CIC: variants seen among roughly 807,000 people sequenced by gnomAD.
CIC encodes the protein capicua transcriptional repressor.
Under a neutral mutation model 115.7 loss-of-function variants are expected in CIC, and 18 were observed. The observed-to-expected ratio is 0.16, with a 90% confidence interval of 0.11 to 0.23. The LOEUF (loss-of-function observed/expected upper bound fraction) is 0.23. Among genes scored for constraint, CIC ranks in the 10% least tolerant of loss-of-function variants. The pLI, the probability that CIC is intolerant of heterozygous loss-of-function variation, is 1.00. For synonymous variants in CIC, 1,076 were observed against 923.0 expected (o/e 1.17, Z -3.01); for missense variants, 2,000 against 2,159.3 (o/e 0.93, Z 1.46).
rs752975941 is a variant in CIC, at chr19:42,294,101, T to C, written c.6922+12T>C. Reference sequence around the variant, plus strand: ...GAAGAACTCCACGGGTAGGCGAGCATTGGGCACCCAGGGTCCTTAGGTGGA... The same window carrying C: ...GAAGAACTCCACGGGTAGGCGAGCACTGGGCACCCAGGGTCCTTAGGTGGA... On this transcript the variant is annotated intron_variant, in intron 18 of 20. Coordinates refer to ENST00000681038, the MANE Select transcript of CIC (RefSeq NM_001386298.1). 61 of 1,613,466 alleles carry C rather than the reference T, an allele frequency of 3.8e-5. No homozygotes were observed. Among genetic ancestry groups the C allele is most frequent in the Non-Finnish European group, 4.7e-5 (55 of 1,180,016 alleles).
chr19:42,274,418 G>A lies in CIC; in HGVS notation c.2635G>A (p.Val879Met), dbSNP rs1037171901. Reference sequence around the variant, plus strand: ...CGTGCCTCCAGCTGCACCAACTGCCGTGGCCCAGCCGATGCCCGCCTTTGG... The same window carrying A: ...CGTGCCTCCAGCTGCACCAACTGCCATGGCCCAGCCGATGCCCGCCTTTGG... ...ITVPPAAPTA[V>M]AQPMPAFGLA... is the part of the protein sequence containing the mutation. The change falls in exon 2 of 21, where the codon GTG becomes ATG. Residue 879 changes from valine to methionine, a missense_variant. Physicochemically the swap from Val to Met is conservative, Grantham distance 21. Transcript: ENST00000681038. 1.5e-5 allele frequency: 6 copies of A among 399,022 alleles called. No homozygotes were observed. Among genetic ancestry groups the A allele is most frequent in the Non-Finnish European group, 1.8e-5 (4 of 226,466 alleles). 24.7% of individuals were successfully genotyped at this position (399,022 alleles called of 1,614,324 possible).
At chr19:42,283,180 CTGTG>C (rs1208594198) in intron 2 of CIC, among the ~76,000 whole-genome samples, 1 of 151,892 alleles carries the variant, frequency 6.6e-6, no homozygotes, top group Non-Finnish European at 1.5e-5. Context: ...GCTAGGAAGG[CTGTG>C]TGTGTGACGG....
At position 42,292,833 on chromosome 19, in the gene CIC, C is replaced by T. The variant is rs758868794; in HGVS notation, c.6170C>T (p.Pro2057Leu). The change falls in exon 15 of 21, where the codon CCG (proline) becomes CTG (leucine). Residue 2057 changes from proline (P) to leucine (L), a missense_variant. By Grantham distance (98) the Pro-to-Leu change is moderately conservative. This residue lies in a region of CIC where 1,466 missense variants were observed against 1,390.4 expected (regional missense o/e 1.05). Transcript: ENST00000681038. ...GCCCCTGCCACTGCCACCCCAGCCCCGACTAGCCCTTTCCCCAGCGCCACA... is the reference window on the plus strand; with the variant it reads ...GCCCCTGCCACTGCCACCCCAGCCCTGACTAGCCCTTTCCCCAGCGCCACA... ...PPAPATATPA[P>L]TSPFPSATAG... is the part of the protein sequence containing the mutation. 19 of 1,613,878 alleles carry T rather than the reference C, an allele frequency of 1.2e-5. No homozygotes were observed. Among genetic ancestry groups the T allele is most frequent in the Admixed American group, 3.3e-5 (2 of 60,024 alleles).
In CIC at chr19:42,295,069, G is replaced by T. The variant is rs569706440; in HGVS notation, c.7432G>T (p.Ala2478Ser). Residue 2478 changes from alanine (A) to serine (S), a missense_variant, in exon 21 of 21, where the codon GCC (alanine) becomes TCC (serine). Ala to Ser is a moderately conservative substitution (Grantham distance 99). Coordinates refer to ENST00000681038, the MANE Select transcript of CIC (RefSeq NM_001386298.1). ...CTCACCCAGCTCGGACTCTGGCACG[G>T]CCCAGGCTGCCCCGCCACTGCCTCC... ...PTSPSSDSGT[A>S]QAAPPLPPPP... The T allele has an allele frequency of 3.9e-6, 6 of 1,520,068 alleles. No individual in the cohort carries two copies. Among genetic ancestry groups the T allele is most frequent in the Admixed American group, 2.0e-5 (1 of 49,938 alleles). 94.2% of individuals were successfully genotyped at this position (1,520,068 alleles called of 1,614,324 possible). A position where few individuals can be genotyped will look rare whatever the true frequency, so the allele number is the denominator to read the frequency against.
chr19:42,293,352 C>G, intron 16 of CIC, 71 bp downstream of exon 16: 1 of 1,464,198 alleles, frequency 6.8e-7, no homozygotes, highest in Non-Finnish European at 9.3e-7. Context: ...CTTTGCTTTT[C>G]TGTCCTACTC....
chr19:42,290,033 G>A (rs1321951147), intron 10 of CIC, 82 bp downstream of exon 10: 4 of 1,438,480 alleles, frequency 2.8e-6, no homozygotes, highest in African/African-American at 1.4e-5. Flanking sequence ...GCTTGAGAGA[G>A]GGGGAGATTA....
Position 42,294,204 on chromosome 19 carries a change from G to A in CIC, c.6954G>A (p.Ser2318=), listed in dbSNP as rs756293865. The change falls in exon 19 of 21, where the codon TCG becomes TCA. Residue 2318 remains serine (S), a synonymous_variant. Coordinates refer to ENST00000681038, the MANE Select transcript of CIC (RefSeq NM_001386298.1). ...DLDSAPEDPT[S]PKRKMRRRSS... ...ATTCAGCACCCGAGGACCCCACCTC[G>A]CCCAAGCGCAAGATGAGAAGACGCT... 4.3e-5 allele frequency: 70 copies of A among 1,613,616 alleles called. No individual in the cohort carries two copies. The highest frequency in any genetic ancestry group is 4.4e-5 in the Non-Finnish European group (52 of 1,180,016).
intron 2 of CIC, among the ~76,000 whole-genome samples, chr19:42,279,434 G>A (rs1355405372): frequency 6.6e-6 from 1 of 152,212 alleles, no homozygotes; most frequent in African/African-American, 2.4e-5. Flanking sequence ...GGGCTGATAA[G>A]GGAGGATCAG....
intron 2 of CIC, among the ~76,000 whole-genome samples, chr19:42,281,278 A>G (rs920493386): frequency 2.6e-5 from 4 of 152,166 alleles, no homozygotes; most frequent in East Asian, 3.9e-4. Flanking sequence ...CGCGGGCTCA[A>G]TAAATGGGCC....
Position 42,274,066 on chromosome 19 carries a change from G to A in CIC, c.2283G>A (p.Pro761=), listed in dbSNP as rs890376086. ...CCCACACACCTACACCCTCCACGCC[G>A]GCTGGCTTCCGGGCCGTGTCCCCTG... ...SVSHTPTPST[P]AGFRAVSPAV... Residue 761 remains proline (P), a synonymous_variant, in exon 2 of 21, where the codon CCG becomes CCA. Transcript: ENST00000681038. 4 of 399,234 alleles carry A rather than the reference G, an allele frequency of 1.0e-5. No individual in the cohort carries two copies. The highest frequency in any genetic ancestry group is 6.2e-4 in the Middle Eastern group (1 of 1,614). The allele number at this position is 399,234 out of a possible 1,614,324, so 24.7% of individuals were successfully genotyped here.
At chr19:42,268,674 C>T (rs999704817), upstream of CIC, 3 of 152,270 alleles carry the variant, frequency 2.0e-5, no homozygotes, top group Non-Finnish European at 2.9e-5. Flanking sequence ...ACTTTTTCTC[C>T]TCGCCGGGTT....
Position 42,286,648 on chromosome 19 carries a change from T to C in CIC, c.2795-123T>C, listed in dbSNP as rs906333347. 9 of 1,157,716 alleles carry C rather than the reference T, an allele frequency of 7.8e-6. No individual in the cohort carries two copies. In the African/African-American group the frequency reaches 1.3e-4, roughly 17 times the overall value. The allele number at this position is 1,157,716 out of a possible 1,614,324, so 71.7% of individuals were successfully genotyped here. A position where few individuals can be genotyped will look rare whatever the true frequency, so the allele number is the denominator to read the frequency against. Reference sequence around the variant, plus strand: ...TTGCATGGACGAGTCCAAGAGGCTCTGGTGTTGGGGGTGGGGGGTAGACAA... The same window carrying C: ...TTGCATGGACGAGTCCAAGAGGCTCCGGTGTTGGGGGTGGGGGGTAGACAA... On this transcript the variant is annotated intron_variant, in intron 2 of 20. Transcript: ENST00000681038.
In CIC at chr19:42,280,454, A is replaced by T. The variant is rs1483319734; in HGVS notation, c.2794+5877A>T. 6.6e-6 allele frequency among the ~76,000 whole-genome samples: 1 copy of T among 152,092 alleles called. No homozygotes were observed. Among genetic ancestry groups the T allele is most frequent in the Non-Finnish European group, 1.5e-5 (1 of 67,992 alleles). ...TGGGTTCCCGCGCGCCCCTGGGTGCAGACCTCCTGTGTCGGGCCTCCGTCC... is the reference window on the plus strand; with the variant it reads ...TGGGTTCCCGCGCGCCCCTGGGTGCTGACCTCCTGTGTCGGGCCTCCGTCC... On this transcript the variant is annotated intron_variant, in intron 2 of 20. Transcript: ENST00000681038. This position sits in a 1 kb window ranked among gnomAD's most constrained non-coding sequence, Gnocchi z 4.9.
intron 7 of CIC, among the ~76,000 whole-genome samples, chr19:42,288,434 T>TA (rs2147217559): frequency 6.6e-6 from 1 of 152,234 alleles, no homozygotes; most frequent in East Asian, 1.9e-4. Context: ...TGCTTCCACT[T>TA]ATTGAGGTTG....
At chr19:42,284,754 G>C in intron 2 of CIC, 1 of 1,557,116 alleles carries the variant, frequency 6.4e-7, no homozygotes, top group Non-Finnish European at 8.7e-7. Context: ...GCGGCCTCCC[G>C]TGGCCTCGGC....
intron 10 of CIC, 29 bp downstream of exon 10, chr19:42,289,980 A>G (rs1217674738): frequency 1.9e-6 from 3 of 1,541,270 alleles, no homozygotes; most frequent in East Asian, 2.3e-5. Flanking sequence ...GTGCTGTCCC[A>G]TCACACTCCC....
Position 42,292,992 on chromosome 19 carries a change from C to T in CIC, c.6233C>T (p.Ala2078Val). Residue 2078 changes from alanine to valine, a missense_variant, in exon 16 of 21, where the codon GCC (alanine) becomes GTC (valine). Ala to Val is a moderately conservative substitution (Grantham distance 64). Coordinates refer to ENST00000681038, the MANE Select transcript of CIC (RefSeq NM_001386298.1). ...SMTYSLVAPK[A>V]QRPSPKAPQK... ...ACCTACAGCTTAGTGGCCCCCAAGGCCCAGCGGCCCAGCCCGAAGGCCCCC... is the reference window on the plus strand; with the variant it reads ...ACCTACAGCTTAGTGGCCCCCAAGGTCCAGCGGCCCAGCCCGAAGGCCCCC... 6.2e-7 allele frequency: 1 copy of T among 1,613,628 alleles called. No homozygotes were observed. Among genetic ancestry groups the T allele is most frequent in the Non-Finnish European group, 8.5e-7 (1 of 1,179,996 alleles).
rs536777917 is a variant in CIC at position 42,273,211 on chromosome 19, C to T, written c.1428C>T (p.Ala476=). Residue 476 remains alanine, a synonymous_variant, in exon 2 of 21, where the codon GCC becomes GCT. Coordinates refer to ENST00000681038, the MANE Select transcript of CIC (RefSeq NM_001386298.1). ...CCCGGGCCCGCACGCCACTGACAGC[C>T]GCCCAGCAGAAGTACAAGAAGGGCG... ...PAARARTPLT[A]AQQKYKKGDV... 1.2e-4 allele frequency: 49 copies of T among 398,628 alleles called. No individual in the cohort carries two copies. Among genetic ancestry groups the T allele is most frequent in the African/African-American group, 5.3e-4 (26 of 48,762 alleles). The allele number at this position is 398,628 out of a possible 1,614,324, so 24.7% of individuals were successfully genotyped here.
chr19:42,287,694 G>A lies in CIC; in HGVS notation c.3459G>A (p.Lys1153=), dbSNP rs776422599. 6.2e-6 allele frequency: 10 copies of A among 1,614,132 alleles called. No individual in the cohort carries two copies. The South Asian group carries it at 1.1e-4, about 18-fold the overall frequency. ...LGEWWYALGP[K]EKQKYHDLAF... ...AGTGGTGGTATGCCCTGGGGCCCAAGGAGAAGCAGAAGTACCACGACCTGG... is the reference window on the plus strand; with the variant it reads ...AGTGGTGGTATGCCCTGGGGCCCAAAGAGAAGCAGAAGTACCACGACCTGG... The change falls in exon 6 of 21, where the codon AAG becomes AAA. Residue 1153 remains lysine, a synonymous_variant. Transcript: ENST00000681038. The surrounding 1 kb of genome is among the most constrained non-coding windows in gnomAD (Gnocchi z 8.7).
Sources: gnomAD v4.1 joint callset for allele counts (sites outside exome capture counted in the v4.1 genomes callset) on GRCh38, gnomAD v4.1.1 for gene constraint, gnomAD v4.1.1 regional missense constraint, Gnocchi (gnomAD v3.1) non-coding constraint, MANE v1.5 for transcripts, NCBI Gene and HGNC (gene_info 2026-07-23, HGNC 2026-07-21) for gene names.